Variants in PREX2 observed in about 807,000 individuals in gnomAD.
PREX2 encodes the protein phosphatidylinositol 3,4,5-trisphosphate-dependent Rac exchanger 2 protein.
A neutral mutation model predicts 203.2 loss-of-function variants in PREX2; 107 were observed. The ratio of observed to expected loss-of-function variants is 0.53; its 90% CI spans 0.45 to 0.62. PREX2 has a LOEUF of 0.62. PREX2 is among the 20% of genes least tolerant of loss of function. PREX2 has a pLI of 0.00. For missense variants in PREX2, 1,777 were observed against 1,955.9 expected (o/e 0.91, Z 1.72); for synonymous variants, 672 against 663.6 (o/e 1.01, Z -0.19).
At chr8:68,005,886 G>A (rs1807080360) in intron 1 of PREX2, among the ~76,000 whole-genome samples, 1 of 144,340 alleles carries the variant, frequency 6.9e-6, no homozygotes, top group African/African-American at 2.6e-5. Flanking sequence ...GAGTGGGTTG[G>A]TTCACAGTGA....
At chr8:68,060,896 C>G in intron 11 of PREX2, 117 bp downstream of exon 11, 1 of 682,976 alleles carries the variant, frequency 1.5e-6, no homozygotes, top group East Asian at 2.9e-5. Context: ...TTGTTTTTAA[C>G]AATATTTTCA....
intron 36 of PREX2, 36 bp from the exon 37 acceptor site, chr8:68,192,299 A>G (rs751741846): frequency 1.3e-6 from 2 of 1,512,834 alleles, no homozygotes; most frequent in Non-Finnish European, 1.8e-6. Context: ...TTTACTAAAC[A>G]TGTTGAACTT....
chr8:68,187,363 A>G (rs1237508482), intron 35 of PREX2, among the ~76,000 whole-genome samples: 2 of 152,130 alleles, frequency 1.3e-5, no homozygotes, highest in Non-Finnish European at 2.9e-5. Flanking sequence ...GATTACCTCC[A>G]CGGAAAGCAG....
chr8:68,220,928 AATGCT>A (rs1488649036), intron 38 of PREX2, among the ~76,000 whole-genome samples: 1 of 152,156 alleles, frequency 6.6e-6, no homozygotes, highest in Non-Finnish European at 1.5e-5. Flanking sequence ...TACGTTGCAT[AATGCT>A]GGGGTTTGGG....
At chr8:68,217,331 T>C (rs990416941) in intron 37 of PREX2, among the ~76,000 whole-genome samples, 2 of 152,226 alleles carry the variant, frequency 1.3e-5, no homozygotes, top group Non-Finnish European at 2.9e-5. Context: ...TATTTAGTAA[T>C]AAAACTTGTT....
At chr8:68,081,552 G>A (rs187933525) in intron 17 of PREX2, among the ~76,000 whole-genome samples, 3 of 152,262 alleles carry the variant, frequency 2.0e-5, no homozygotes, top group African/African-American at 7.2e-5. Context: ...ATTATGCACG[G>A]CAGATGGTTC....
At chr8:68,107,824 G>A (rs186866586) in intron 23 of PREX2, among the ~76,000 whole-genome samples, 80 of 152,316 alleles carry the variant, frequency 5.3e-4, no homozygotes, top group South Asian at 4.1e-3. Context: ...TTGAGTCCAA[G>A]TATATTGTGC....
chr8:68,208,253 C>T (rs1812675894), intron 37 of PREX2, among the ~76,000 whole-genome samples: 1 of 152,118 alleles, frequency 6.6e-6, no homozygotes, highest in African/African-American at 2.4e-5. Flanking sequence ...CATTAACACA[C>T]TGAACTGTAC....
intron 33 of PREX2, among the ~76,000 whole-genome samples, chr8:68,141,877 T>C (rs1811237262): frequency 6.6e-6 from 1 of 152,198 alleles, no homozygotes; most frequent in Admixed American, 6.6e-5. Context: ...TAGTCCTAAT[T>C]ATCAAGTTTG....
chr8:68,004,549 C>A (rs13275245), intron 1 of PREX2, among the ~76,000 whole-genome samples: 15,819 of 152,232 alleles, frequency 0.1, 881 homozygotes, highest in South Asian at 0.16. Context: ...GTTTGTATTT[C>A]TTGCCACTGA....
chr8:68,009,860 A>G (rs1386554743), intron 1 of PREX2, among the ~76,000 whole-genome samples: 1 of 152,190 alleles, frequency 6.6e-6, no homozygotes, highest in African/African-American at 2.4e-5. Context: ...TTCCAAAGGA[A>G]CAGTCTTCTT....
chr8:68,030,413 A>G (rs1489925128), intron 5 of PREX2, 84 bp from the exon 6 acceptor site: 3 of 1,298,028 alleles, frequency 2.3e-6, no homozygotes, highest in Non-Finnish European at 3.2e-6. Context: ...TGATCTTTGC[A>G]GTTTTCATTT....
At chr8:68,042,019 A>G (rs1180857822) in intron 7 of PREX2, among the ~76,000 whole-genome samples, 1 of 152,108 alleles carries the variant, frequency 6.6e-6, no homozygotes, top group Non-Finnish European at 1.5e-5. Flanking sequence ...AAATAACAAA[A>G]TAGTTCAACA....
chr8:67,962,120 T>C (rs1479639068), intron 1 of PREX2, among the ~76,000 whole-genome samples: 1 of 152,240 alleles, frequency 6.6e-6, no homozygotes, highest in East Asian at 1.9e-4. Flanking sequence ...CTATGTTTGA[T>C]TTTGGCTTGC....
At chr8:68,187,617 A>G (rs1812214406) in intron 35 of PREX2, among the ~76,000 whole-genome samples, 1 of 152,226 alleles carries the variant, frequency 6.6e-6, no homozygotes. Flanking sequence ...TTTGACTGTG[A>G]CTTGTATACT....
At chr8:68,104,474 C>A (rs562693822) in intron 23 of PREX2, among the ~76,000 whole-genome samples, 1 of 152,236 alleles carries the variant, frequency 6.6e-6, no homozygotes, top group Non-Finnish European at 1.5e-5. Flanking sequence ...CAAAAATGAC[C>A]CCTTTCCAGA....
At chr8:68,184,478 G>T (rs1177011688) in intron 35 of PREX2, among the ~76,000 whole-genome samples, 2 of 152,140 alleles carry the variant, frequency 1.3e-5, no homozygotes, top group Non-Finnish European at 2.9e-5. Context: ...CAAAATACTT[G>T]TAAAATGCAT....
At chr8:68,024,650 T>C (rs1297597179) in intron 4 of PREX2, among the ~76,000 whole-genome samples, 1 of 152,054 alleles carries the variant, frequency 6.6e-6, no homozygotes, top group Non-Finnish European at 1.5e-5. Flanking sequence ...TAATTATTGA[T>C]ATGATGGTAT....
chr8:68,096,910 C>T, intron 21 of PREX2, 107 bp from the exon 22 acceptor site: 3 of 845,664 alleles, frequency 3.5e-6, no homozygotes, highest in Non-Finnish European at 5.7e-6. Context: ...CAGATTTAAC[C>T]ATCCCTTAAA....
Sources: gnomAD v4.1 joint callset for allele counts (sites outside exome capture counted in the v4.1 genomes callset) on GRCh38, gnomAD v4.1.1 for gene constraint, MANE v1.5 for transcripts, NCBI Gene and HGNC (gene_info 2026-07-23, HGNC 2026-07-21) for gene names.